The following TNFSF4 variants were observed in gnomAD, a reference collection of about 807,000 sequenced individuals.
TNFSF4 encodes the protein TNF superfamily member 4, also known as tumor necrosis factor ligand superfamily member 4.
TNFSF4 carries 4 observed loss-of-function variants against 7.3 expected under a neutral mutation model. That is an observed-to-expected ratio of 0.55 (90% CI 0.27 to 1.25). The LOEUF is 1.25. Ranked by LOEUF, TNFSF4 falls within the 50% of genes most tolerant of loss-of-function variation. The pLI, the probability that TNFSF4 is intolerant of heterozygous loss-of-function variation, is 0.12. For missense variants in TNFSF4, 181 were observed against 208.8 expected (o/e 0.87, Z 0.82); for synonymous variants, 76 against 83.7 (o/e 0.91, Z 0.50).
the TNFSF4 span, among the ~76,000 whole-genome samples, chr1:173,386,272 A>G: frequency 1.3e-5 from 2 of 152,344 alleles, no homozygotes; most frequent in South Asian, 4.1e-4. Context: ...GAGGTGGCTT[A>G]GACCACTGCT....
At chr1:173,358,817 T>C in the TNFSF4 span, among the ~76,000 whole-genome samples, 2 of 152,326 alleles carry the variant, frequency 1.3e-5, no homozygotes, top group South Asian at 4.1e-4. Context: ...AGTTTACATA[T>C]TGTGTCATTC....
chr1:173,189,301 C>A (rs529696024), intron 1 of TNFSF4, among the ~76,000 whole-genome samples: 1 of 152,272 alleles, frequency 6.6e-6, no homozygotes, highest in South Asian at 2.1e-4. Context: ...TCCATCATGG[C>A]CACAGACTCC....
chr1:173,437,477 T>TA, the TNFSF4 span, among the ~76,000 whole-genome samples: 1 of 152,216 alleles, frequency 6.6e-6, no homozygotes, highest in Non-Finnish European at 1.5e-5. Context: ...TTTCTGTACT[T>TA]ACAAAGGTCT....
chr1:173,222,144 C>T, the TNFSF4 span, among the ~76,000 whole-genome samples: 1 of 151,972 alleles, frequency 6.6e-6, no homozygotes, highest in South Asian at 2.1e-4. Flanking sequence ...TCCAATAGAT[C>T]ACCAGTGTGT....
chr1:173,444,560 A>G, the TNFSF4 span, among the ~76,000 whole-genome samples: 1 of 152,088 alleles, frequency 6.6e-6, no homozygotes, highest in South Asian at 2.1e-4. Flanking sequence ...TGTAATGATT[A>G]TAATCCCTTT....
chr1:173,336,999 G>A, the TNFSF4 span, among the ~76,000 whole-genome samples: 1 of 152,076 alleles, frequency 6.6e-6, no homozygotes, highest in African/African-American at 2.4e-5. Context: ...TGCTAGTTTT[G>A]AGTGGGGCTC....
chr1:173,228,974 G>A, the TNFSF4 span, among the ~76,000 whole-genome samples: 26 of 152,168 alleles, frequency 1.7e-4, no homozygotes, highest in African/African-American at 5.6e-4. Flanking sequence ...TGAAAGTGAC[G>A]GGGAGAATGG....
chr1:173,358,586 G>A, the TNFSF4 span, among the ~76,000 whole-genome samples: 1 of 152,106 alleles, frequency 6.6e-6, no homozygotes, highest in Non-Finnish European at 1.5e-5. Context: ...GCATACATAT[G>A]TTCATTAAAG....
rs1571180084 is a variant in TNFSF4, at chr1:173,185,236, G to A, written c.*1280C>T. 1 of 152,140 alleles carries A rather than the reference G, an allele frequency of 6.6e-6. No individual in the cohort carries two copies. The highest frequency in any genetic ancestry group is 2.4e-5 in the African/African-American group (1 of 41,412). 9.4% of individuals were successfully genotyped at this position (152,140 alleles called of 1,614,324 possible). A position where few individuals can be genotyped will look rare whatever the true frequency, so the allele number is the denominator to read the frequency against. On this transcript the variant is annotated 3_prime_UTR_variant, in exon 3 of 3. Transcript: ENST00000281834. ...AAAAATTTATGTTTATAAAAGGTTT[G>A]GCACAGAGAAGTTACAAATCATCTG...
At chr1:173,229,375 C>T in the TNFSF4 span, among the ~76,000 whole-genome samples, 100 of 152,280 alleles carry the variant, frequency 6.6e-4, no homozygotes, top group Admixed American at 1.6e-3. Context: ...TACAGACAAG[C>T]AAGTGCTGAG....
chr1:173,240,560 C>T, the TNFSF4 span, among the ~76,000 whole-genome samples: 2 of 152,106 alleles, frequency 1.3e-5, no homozygotes, highest in Non-Finnish European at 2.9e-5. Context: ...AGAATCTGAT[C>T]ATACAATCAC....
At chr1:173,352,889 G>C in the TNFSF4 span, among the ~76,000 whole-genome samples, 1 of 152,154 alleles carries the variant, frequency 6.6e-6, no homozygotes, top group African/African-American at 2.4e-5. Context: ...TCCTGGGAAT[G>C]CATTCTTTTC....
At chr1:173,416,608 T>TTTTTTTTATTTA in the TNFSF4 span, among the ~76,000 whole-genome samples, 1 of 121,942 alleles carries the variant, frequency 8.2e-6, no homozygotes, top group Non-Finnish European at 1.7e-5. Context: ...ATTTTTTTAT[T>TTTTTTTTATTTA]TTTATTTATT....
At chr1:173,182,054 G>C (rs547918167), downstream of TNFSF4, among the ~76,000 whole-genome samples, 1 of 152,238 alleles carries the variant, frequency 6.6e-6, no homozygotes, top group South Asian at 2.1e-4. Context: ...CATTCCATTT[G>C]ATATTTTAAA....
the TNFSF4 span, among the ~76,000 whole-genome samples, chr1:173,277,761 C>T: frequency 2.6e-5 from 4 of 152,072 alleles, no homozygotes; most frequent in Non-Finnish European, 4.4e-5. Context: ...ATTCATTTCA[C>T]TTAGTCTCAC....
At chr1:173,188,408 T>C in intron 2 of TNFSF4, 113 bp downstream of exon 2, 1 of 841,100 alleles carries the variant, frequency 1.2e-6, no homozygotes, top group Non-Finnish European at 1.9e-6. Context: ...TTAATTGGAA[T>C]TTAATTCCTT....
chr1:173,363,943 T>C, the TNFSF4 span, among the ~76,000 whole-genome samples: 1 of 152,204 alleles, frequency 6.6e-6, no homozygotes, highest in Non-Finnish European at 1.5e-5. Flanking sequence ...CAGTCTGGCC[T>C]TAATCATAAA....
At chr1:173,347,562 T>C in the TNFSF4 span, among the ~76,000 whole-genome samples, 1 of 152,226 alleles carries the variant, frequency 6.6e-6, no homozygotes, top group African/African-American at 2.4e-5. Context: ...GTAAATGAAA[T>C]AGACAAAGCC....
chr1:173,238,050 A>G, the TNFSF4 span, among the ~76,000 whole-genome samples: 1 of 152,172 alleles, frequency 6.6e-6, no homozygotes, highest in Non-Finnish European at 1.5e-5. Context: ...GTACTGGTAT[A>G]AAAACAGACA....
Sources: gnomAD v4.1 joint callset for allele counts (sites outside exome capture counted in the v4.1 genomes callset) on GRCh38, gnomAD v4.1.1 for gene constraint, MANE v1.5 for transcripts, NCBI Gene and HGNC (gene_info 2026-07-23, HGNC 2026-07-21) for gene names.